Variants in WWP1 observed in about 807,000 individuals in gnomAD.
WWP1 encodes the protein WW domain containing E3 ubiquitin protein ligase 1.
In WWP1, 49 loss-of-function variants were observed where a neutral mutation model predicts 130.6. The observed-to-expected ratio is 0.38, with a 90% CI of 0.30 to 0.48. The LOEUF (loss-of-function observed/expected upper bound fraction) is 0.48, where lower values mean the gene tolerates loss of function less well. WWP1 is among the 20% of genes least tolerant of loss of function. WWP1 has a pLI of 0.99. For missense variants in WWP1, 809 were observed against 1,100.6 expected (o/e 0.74, Z 3.75); for synonymous variants, 332 against 367.8 (o/e 0.90, Z 1.11).
chr8:86,465,880 C>A (rs1055778550), intron 24 of WWP1, among the ~76,000 whole-genome samples: 3 of 152,104 alleles, frequency 2.0e-5, no homozygotes, highest in African/African-American at 7.2e-5. Flanking sequence ...AGTCTTAGAA[C>A]AGCACTGTTT....
In WWP1 at chr8:86,448,433, G is replaced by A; in HGVS notation, c.2193G>A (p.Leu731=). 6.2e-7 allele frequency: 1 copy of A among 1,613,560 alleles called. No individual in the cohort carries two copies. The highest frequency in any genetic ancestry group is 1.1e-5 in the South Asian group (1 of 91,046). ...EMYFSVDMEI[L]GKVTSHDLKL... ...ACTTTTCTGTTGACATGGAGATTTTGGGAAAAGTTACTTCACATGACCTGA... is the reference window on the plus strand; with the variant it reads ...ACTTTTCTGTTGACATGGAGATTTTAGGAAAAGTTACTTCACATGACCTGA... Residue 731 remains leucine (L), a synonymous_variant, in exon 20 of 25, where the codon TTG becomes TTA. Coordinates refer to ENST00000517970, the MANE Select transcript of WWP1 (RefSeq NM_007013.4).
intron 17 of WWP1, chr8:86,440,838 C>A: frequency 2.9e-6 from 1 of 339,838 alleles, no homozygotes. Context: ...CAAGCCTATC[C>A]TCATGTCACT....
intron 8 of WWP1, among the ~76,000 whole-genome samples, chr8:86,407,726 T>A (rs1456299987): frequency 2.6e-5 from 4 of 152,202 alleles, no homozygotes; most frequent in East Asian, 3.8e-4. Context: ...GAGTTTTTTT[T>A]AAATTAATAG....
chr8:86,390,509 A>G (rs1586332114), intron 5 of WWP1, among the ~76,000 whole-genome samples: 1 of 152,160 alleles, frequency 6.6e-6, no homozygotes, highest in East Asian at 1.9e-4. Context: ...CCCGTCCAAC[A>G]CGGCGAAACC....
At chr8:86,350,208 T>TC (rs780744979) in intron 1 of WWP1, among the ~76,000 whole-genome samples, 164 of 152,338 alleles carry the variant, frequency 1.1e-3, no homozygotes, top group Non-Finnish European at 8.4e-4. Flanking sequence ...TCTGGGTTTT[T>TC]CTCGCATTAT....
chr8:86,396,856 C>T (rs1472967801), intron 5 of WWP1, among the ~76,000 whole-genome samples: 1 of 152,140 alleles, frequency 6.6e-6, no homozygotes, highest in Non-Finnish European at 1.5e-5. Flanking sequence ...TGCCTCACCT[C>T]CCAAAATGCT....
chr8:86,402,429 G>GC (rs11378793), intron 8 of WWP1, among the ~76,000 whole-genome samples: 22,374 of 152,088 alleles, frequency 0.15, 1,798 homozygotes, highest in Non-Finnish European at 0.19. Context: ...GGGATTACAG[G>GC]CACCCACCAC....
chr8:86,445,976 C>CTTTTTTTTTT (rs56731329), intron 18 of WWP1, among the ~76,000 whole-genome samples: 165 of 84,962 alleles, frequency 1.9e-3, no homozygotes, highest in Middle Eastern at 8.9e-3. Flanking sequence ...CTTTTCTTTT[C>CTTTTTTTTTT]TTTTTTTTTT....
intron 1 of WWP1, among the ~76,000 whole-genome samples, chr8:86,347,157 T>A (rs1822630090): frequency 6.6e-6 from 1 of 151,996 alleles, no homozygotes; most frequent in African/African-American, 2.4e-5. Flanking sequence ...GCTAAATTTT[T>A]AAAATTTTTT....
At chr8:86,372,017 A>ATT (rs34458424) in intron 2 of WWP1, among the ~76,000 whole-genome samples, 8,346 of 70,188 alleles carry the variant, frequency 0.12, 1,240 homozygotes, top group African/African-American at 0.31. Context: ...TAATTTTTGT[A>ATT]TTTTTTTTTT....
chr8:86,404,973 T>G (rs1176754640), intron 8 of WWP1: 2 of 152,246 alleles, frequency 1.3e-5, no homozygotes, highest in African/African-American at 4.8e-5. Flanking sequence ...CCTCTGATTA[T>G]TGCTAGTGAC....
intron 5 of WWP1, among the ~76,000 whole-genome samples, chr8:86,386,430 T>C (rs140151693): frequency 1.1e-4 from 15 of 137,124 alleles, no homozygotes; most frequent in African/African-American, 3.8e-4. Flanking sequence ...TCCACTCATA[T>C]AGCAGGCTGT....
intron 7 of WWP1, 33 bp from the exon 8 acceptor site, chr8:86,401,986 T>G: frequency 1.3e-6 from 2 of 1,512,546 alleles, no homozygotes; most frequent in Non-Finnish European, 8.9e-7. Flanking sequence ...GAATTATACT[T>G]AAATGATTGA....
intron 1 of WWP1, among the ~76,000 whole-genome samples, chr8:86,366,331 G>GGGGAT (rs1218536278): frequency 6.6e-6 from 1 of 152,186 alleles, no homozygotes; most frequent in African/African-American, 2.4e-5. Context: ...ATGATGGCAT[G>GGGGAT]GGGATGATGG....
chr8:86,402,419 G>A (rs866066600), intron 8 of WWP1, among the ~76,000 whole-genome samples: 10 of 148,164 alleles, frequency 6.7e-5, no homozygotes, highest in Middle Eastern at 3.4e-3. Context: ...CCAAGTAGCT[G>A]GGATTACAGG....
In WWP1 at chr8:86,382,646, C is replaced by T. The variant is rs959024483; in HGVS notation, c.334+1017C>T. On this transcript the variant is annotated intron_variant, in intron 5 of 24. Transcript: ENST00000517970. ...CCCGGGAGGTGGAGGTTGCAGTGAG[C>T]CAAGATTGCACCACTGCACTCCCAG... Among the ~76,000 whole-genome samples the T allele has an allele frequency of 2.0e-5, 3 of 152,098 alleles. No homozygotes were observed. In the South Asian group the frequency reaches 6.2e-4, roughly 32 times the overall value.
intron 9 of WWP1, among the ~76,000 whole-genome samples, chr8:86,414,489 A>C (rs183219231): frequency 6.6e-6 from 1 of 152,304 alleles, no homozygotes; most frequent in Non-Finnish European, 1.5e-5. Flanking sequence ...ACCAAGGTGG[A>C]TTCTTCTGGC....
chr8:86,452,818 GT>G (rs1278601650), intron 21 of WWP1, 139 bp downstream of exon 21: 1 of 1,109,978 alleles, frequency 9.0e-7, no homozygotes, highest in Admixed American at 2.5e-5. Flanking sequence ...TGATGTCAAG[GT>G]GGTATTTATT....
chr8:86,425,082 G>A (rs1809541489), intron 9 of WWP1, 141 bp from the exon 10 acceptor site: 8 of 525,876 alleles, frequency 1.5e-5, no homozygotes, highest in Admixed American at 6.9e-5. Flanking sequence ...ATATATAATA[G>A]CCTTTATATA....
Sources: allele counts gnomAD v4.1 joint callset (sites outside exome capture counted in the v4.1 genomes callset), GRCh38; gene constraint gnomAD v4.1.1; transcripts MANE v1.5; gene names NCBI Gene and HGNC (gene_info 2026-07-23, HGNC 2026-07-21).